Variants in VPS13B observed in about 807,000 individuals in gnomAD.
VPS13B encodes the protein intermembrane lipid transfer protein VPS13B.
VPS13B carries 285 observed loss-of-function variants against 426.4 expected under a neutral mutation model. The ratio of observed to expected loss-of-function variants is 0.67; its 90% confidence interval spans 0.61 to 0.74. The LOEUF (loss-of-function observed/expected upper bound fraction) is 0.74, where lower values mean the gene tolerates loss of function less well. VPS13B is among the 30% of genes least tolerant of loss of function. The probability of loss-of-function intolerance (pLI) is 0.00; values close to 1 mark genes in which losing one functional copy is unlikely to be tolerated. For synonymous variants in VPS13B, 1,676 were observed against 1,676.4 expected (o/e 1.00, Z 0.01); for missense variants, 4,537 against 4,782.6 (o/e 0.95, Z 1.51).
intron 58 of VPS13B, among the ~76,000 whole-genome samples, chr8:99,864,102 A>ACC (rs1816974619): frequency 2.0e-5 from 3 of 152,232 alleles, no homozygotes; most frequent in Non-Finnish European, 4.4e-5. Flanking sequence ...GGTGTGTGGC[A>ACC]AGAAGAACAA....
At chr8:99,603,874 A>G (rs1468108803) in intron 33 of VPS13B, among the ~76,000 whole-genome samples, 1 of 152,224 alleles carries the variant, frequency 6.6e-6, no homozygotes, top group East Asian at 1.9e-4. Flanking sequence ...GCCATCTATT[A>G]AGGAATAAGT....
At chr8:99,394,177 G>A (rs1488476276) in intron 21 of VPS13B, among the ~76,000 whole-genome samples, 1 of 152,002 alleles carries the variant, frequency 6.6e-6, no homozygotes, top group Non-Finnish European at 1.5e-5. Context: ...TGTTACAGTG[G>A]AGAAATGTTA....
chr8:99,864,506 A>T (rs1001111578), intron 58 of VPS13B, among the ~76,000 whole-genome samples: 56 of 152,294 alleles, frequency 3.7e-4, no homozygotes, highest in African/African-American at 1.3e-3. Flanking sequence ...GTGAGCTGAG[A>T]TTACACCACT....
chr8:99,713,442 G>A (rs1161398586), intron 36 of VPS13B, among the ~76,000 whole-genome samples: 1 of 152,120 alleles, frequency 6.6e-6, no homozygotes, highest in East Asian at 1.9e-4. Flanking sequence ...CACCTGAAGA[G>A]GTGCTTAGCA....
chr8:99,283,622 G>A (rs1819278511), intron 19 of VPS13B, among the ~76,000 whole-genome samples: 1 of 152,150 alleles, frequency 6.6e-6, no homozygotes, highest in Admixed American at 6.6e-5. Flanking sequence ...GTAGATGCTT[G>A]AAAAGAAAAT....
chr8:99,030,119 T>C (rs1842435654), intron 2 of VPS13B, among the ~76,000 whole-genome samples: 1 of 144,302 alleles, frequency 6.9e-6, no homozygotes, highest in Admixed American at 7.0e-5. Context: ...TTCTTCTGGA[T>C]CTCCAAAAAT....
At chr8:99,041,533 A>G (rs1307733331) in intron 3 of VPS13B, among the ~76,000 whole-genome samples, 1 of 152,200 alleles carries the variant, frequency 6.6e-6, no homozygotes, top group Non-Finnish European at 1.5e-5. Flanking sequence ...AAAAAATTAT[A>G]TGATTGATGT....
At chr8:99,550,983 G>A (rs912853924) in intron 30 of VPS13B, among the ~76,000 whole-genome samples, 1 of 152,054 alleles carries the variant, frequency 6.6e-6, no homozygotes, top group African/African-American at 2.4e-5. Flanking sequence ...ATGTTCCTGT[G>A]TGCTTGAGAA....
Position 99,569,083 on chromosome 8 carries a change from A to G in VPS13B, c.4950-6575A>G, listed in dbSNP as rs183358266. On this transcript the variant is annotated intron_variant, in intron 31 of 61. Coordinates refer to ENST00000357162, the MANE Select transcript of VPS13B (RefSeq NM_152564.5). ...GTGATCCGCCTGCCTCGGCCTCCCA[A>G]AGTGCTGGGATTACAGGTGTGAGCC... Among the ~76,000 whole-genome samples, 1,375 of 152,068 alleles carry G rather than the reference A, an allele frequency of 9.0e-3. 11 individuals are homozygous for G. The highest frequency in any genetic ancestry group is 0.015 in the Non-Finnish European group (1,040 of 67,976).
At chr8:99,191,156 T>C (rs897523310) in intron 16 of VPS13B, among the ~76,000 whole-genome samples, 4 of 152,092 alleles carry the variant, frequency 2.6e-5, no homozygotes, top group Non-Finnish European at 5.9e-5. Context: ...AGGAGTCTGC[T>C]TTCATTTTGT....
At chr8:99,601,062 CAT>C (rs896566240) in intron 33 of VPS13B, among the ~76,000 whole-genome samples, 8 of 152,044 alleles carry the variant, frequency 5.3e-5, no homozygotes, top group African/African-American at 1.9e-4. Flanking sequence ...AGGTTTGTAA[CAT>C]AGGTATACAC....
chr8:99,536,806 A>G (rs748351737), intron 30 of VPS13B: 1 of 522,386 alleles, frequency 1.9e-6, no homozygotes. Context: ...ACACAACCTC[A>G]GTGTTTCCAG....
At position 99,054,880 on chromosome 8, in the gene VPS13B, CT is replaced by C. The variant is rs370206833; in HGVS notation, c.291+16315del. ...TTGTCACTCTTGTTGAAAATAAACC[CT>C]ATAGGCCTATGCTGGCCATAGGGTT... is the stretch of plus-strand genomic sequence containing the variant. On this transcript the variant is annotated intron_variant, in intron 3 of 61. Transcript: ENST00000357162. 1.2e-4 allele frequency among the ~76,000 whole-genome samples: 19 copies of C among 152,212 alleles called. No homozygotes were observed. In the East Asian group the frequency reaches 3.5e-3, roughly 28 times the overall value.
At position 99,163,953 on chromosome 8, in the gene VPS13B, T is replaced by C. The variant is rs1412036822; in HGVS notation, c.2209-6086T>C. 2.6e-5 allele frequency among the ~76,000 whole-genome samples: 4 copies of C among 152,260 alleles called. 1 individual carries two copies. The highest frequency in any genetic ancestry group is 2.0e-4 in the Admixed American group (3 of 15,304). ...GGCTCTGAGGACTGCCAGCATGCTG[T>C]CACCTCTCAATCCCCCCTCTAAACA... On this transcript the variant is annotated intron_variant, in intron 15 of 61. Transcript: ENST00000357162.
At chr8:99,698,401 C>T (rs534859370) in intron 35 of VPS13B, among the ~76,000 whole-genome samples, 3 of 152,278 alleles carry the variant, frequency 2.0e-5, no homozygotes, top group East Asian at 3.9e-4. Flanking sequence ...CTGTCAGCTG[C>T]GCCCACCCTC....
chr8:99,461,322 G>A (rs79190431), intron 23 of VPS13B, among the ~76,000 whole-genome samples: 7,530 of 152,124 alleles, frequency 0.049, 215 homozygotes, highest in African/African-American at 0.071. Context: ...GACAGTTTGT[G>A]CAATAAATAG....
At chr8:99,067,836 C>T (rs577570995) in intron 3 of VPS13B, among the ~76,000 whole-genome samples, 191 of 152,260 alleles carry the variant, frequency 1.3e-3, no homozygotes, top group African/African-American at 4.4e-3. Context: ...GCAAATTTAT[C>T]TGAAATGCAT....
At chr8:99,664,313 A>C (rs1180260271) in intron 35 of VPS13B, among the ~76,000 whole-genome samples, 1 of 142,906 alleles carries the variant, frequency 7.0e-6, no homozygotes, top group Non-Finnish European at 1.5e-5. Flanking sequence ...CCAGAAATGT[A>C]CTTTTTTTTT....
In VPS13B at chr8:99,055,528, C is replaced by G. The variant is rs1463513400; in HGVS notation, c.291+16962C>G. Reference sequence around the variant, plus strand: ...TATAGTGATCCATGAACATGGGATGCCTTTCTATTTATTTAAGTAATCTTT... The same window carrying G: ...TATAGTGATCCATGAACATGGGATGGCTTTCTATTTATTTAAGTAATCTTT... On this transcript the variant is annotated intron_variant, in intron 3 of 61. Transcript: ENST00000357162. 2.0e-5 allele frequency among the ~76,000 whole-genome samples: 3 copies of G among 151,860 alleles called. 1 individual carries two copies. The highest frequency in any genetic ancestry group is 4.1e-4 in the South Asian group (2 of 4,822).
Sources: gnomAD v4.1 joint callset for allele counts (sites outside exome capture counted in the v4.1 genomes callset) on GRCh38, gnomAD v4.1.1 for gene constraint, MANE v1.5 for transcripts, NCBI Gene and HGNC (gene_info 2026-07-23, HGNC 2026-07-21) for gene names.